The following NFIB variants were observed in gnomAD, a reference collection of about 807,000 sequenced individuals.
NFIB encodes the protein nuclear factor 1 B-type.
A neutral mutation model predicts 61.5 loss-of-function variants in NFIB; 11 were observed. That is an observed-to-expected ratio of 0.18 (90% CI 0.11 to 0.30). NFIB has a LOEUF of 0.30. Among genes scored for constraint, NFIB ranks in the 10% least tolerant of loss-of-function variants. The pLI is 1.00. For missense variants in NFIB, 471 were observed against 608.9 expected (o/e 0.77, Z 2.38); for synonymous variants, 260 against 216.5 (o/e 1.20, Z -1.76).
chr9:14,449,515 A>G, the NFIB span, among the ~76,000 whole-genome samples: 1 of 152,228 alleles, frequency 6.6e-6, no homozygotes, highest in Non-Finnish European at 1.5e-5. Flanking sequence ...GTAAAAAGCA[A>G]TAGAGAATGC....
chr9:14,292,559 A>G (rs908758232), intron 2 of NFIB, among the ~76,000 whole-genome samples: 1 of 152,224 alleles, frequency 6.6e-6, no homozygotes, highest in Non-Finnish European at 1.5e-5. Flanking sequence ...AGGATGCTAG[A>G]GCTAACAGGG....
At chr9:14,506,924 C>G in the NFIB span, among the ~76,000 whole-genome samples, 1 of 152,128 alleles carries the variant, frequency 6.6e-6, no homozygotes, top group Non-Finnish European at 1.5e-5. Flanking sequence ...AAAAGTAACA[C>G]AAATCAACTG....
chr9:14,089,226 T>C (rs2033422907), intron 10 of NFIB, among the ~76,000 whole-genome samples: 1 of 151,988 alleles, frequency 6.6e-6, no homozygotes, highest in African/African-American at 2.4e-5. Context: ...TGATACCACA[T>C]TTGAGCTGCT....
the NFIB span, among the ~76,000 whole-genome samples, chr9:14,467,413 G>A: frequency 6.6e-6 from 1 of 152,000 alleles, no homozygotes; most frequent in Non-Finnish European, 1.5e-5. Flanking sequence ...GAGTGGGTGA[G>A]ACAGTGATTA....
chr9:14,151,026 G>C (rs1424644478), intron 4 of NFIB, among the ~76,000 whole-genome samples: 3 of 152,108 alleles, frequency 2.0e-5, no homozygotes, highest in Non-Finnish European at 4.4e-5. Flanking sequence ...AGAATCAGCA[G>C]AGTCTTGAGA....
intron 2 of NFIB, among the ~76,000 whole-genome samples, chr9:14,225,225 ATCT>A (rs777711306): frequency 4.9e-4 from 75 of 152,254 alleles, no homozygotes; most frequent in Non-Finnish European, 8.7e-4. Context: ...ATATCCAAGA[ATCT>A]TCTTATCTCA....
At chr9:14,418,637 C>T in the NFIB span, among the ~76,000 whole-genome samples, 2 of 152,046 alleles carry the variant, frequency 1.3e-5, no homozygotes, top group Non-Finnish European at 2.9e-5. Flanking sequence ...TTTGCAAGAC[C>T]CTATTAGGGT....
At chr9:14,155,000 C>G (rs964349868) in intron 4 of NFIB, among the ~76,000 whole-genome samples, 1 of 152,162 alleles carries the variant, frequency 6.6e-6, no homozygotes, top group Admixed American at 6.6e-5. Context: ...AGTGTGACTA[C>G]ATCATCTGAA....
intron 1 of NFIB, among the ~76,000 whole-genome samples, chr9:14,381,212 G>C (rs2061485308): frequency 6.6e-6 from 1 of 150,460 alleles, no homozygotes; most frequent in Admixed American, 6.6e-5. Context: ...TTCTTTTTGA[G>C]ACAGAGTCTC....
chr9:14,236,212 T>C (rs2053728366), intron 2 of NFIB, among the ~76,000 whole-genome samples: 1 of 152,154 alleles, frequency 6.6e-6, no homozygotes, highest in Non-Finnish European at 1.5e-5. Context: ...GAATTTAAGG[T>C]TCTCTATAAT....
chr9:14,490,677 T>A, the NFIB span, among the ~76,000 whole-genome samples: 1 of 152,092 alleles, frequency 6.6e-6, no homozygotes, highest in Admixed American at 6.5e-5. Flanking sequence ...AATGTGAAGG[T>A]TGAATATACA....
At chr9:14,132,215 G>T (rs1339640311) in intron 6 of NFIB, among the ~76,000 whole-genome samples, 2 of 152,120 alleles carry the variant, frequency 1.3e-5, no homozygotes, top group African/African-American at 4.8e-5. Context: ...TTCTAGGATA[G>T]AATAGTCCTA....
At chr9:14,410,724 T>G in the NFIB span, among the ~76,000 whole-genome samples, 2 of 152,132 alleles carry the variant, frequency 1.3e-5, no homozygotes, top group African/African-American at 4.8e-5. Flanking sequence ...TTGCCACTAG[T>G]TTTGACACGA....
the NFIB span, among the ~76,000 whole-genome samples, chr9:14,418,596 G>A: frequency 6.6e-6 from 1 of 152,158 alleles, no homozygotes; most frequent in Non-Finnish European, 1.5e-5. Context: ...CTGCGTGTGA[G>A]CCCTGTGTCT....
intron 2 of NFIB, among the ~76,000 whole-genome samples, chr9:14,217,758 G>A (rs1423390425): frequency 6.7e-6 from 1 of 150,064 alleles, no homozygotes; most frequent in African/African-American, 2.5e-5. Flanking sequence ...CACTCATATT[G>A]CTAATTATCT....
At chr9:14,372,702 T>C (rs575187999) in intron 1 of NFIB, among the ~76,000 whole-genome samples, 44 of 152,252 alleles carry the variant, frequency 2.9e-4, no homozygotes, top group Non-Finnish European at 5.3e-4. Flanking sequence ...TGTTATAACA[T>C]GTGGTCCAGC....
Position 14,205,190 on chromosome 9 carries a change from C to T in NFIB, c.563-25410G>A, listed in dbSNP as rs1165594606. Among the ~76,000 whole-genome samples the T allele has an allele frequency of 5.4e-4, 5 of 9,318 alleles. No homozygotes were observed. The East Asian group carries it at 0.011, about 21-fold the overall frequency. The allele number at this position is 9,318 out of a possible 152,430, so 6.1% of individuals were successfully genotyped here. A position where few individuals can be genotyped will look rare whatever the true frequency, so the allele number is the denominator to read the frequency against. The stretch of plus-strand genomic sequence containing the variant: ...TCTGTGAGTGAGTTCCAAGGGCTGA[C>T]CAAAGGAACAAAAATTGGAAGGAAG... On this transcript the variant is annotated intron_variant, in intron 2 of 10. Transcript: ENST00000380953.
chr9:14,492,716 C>G, the NFIB span, among the ~76,000 whole-genome samples: 2 of 152,172 alleles, frequency 1.3e-5, no homozygotes, highest in Non-Finnish European at 2.9e-5. Context: ...CCACCAGGCC[C>G]CCCACCTCCA....
chr9:14,455,665 G>A, the NFIB span, among the ~76,000 whole-genome samples: 1 of 152,064 alleles, frequency 6.6e-6, no homozygotes, highest in African/African-American at 2.4e-5. Flanking sequence ...CAGTTAAGAA[G>A]CTACTTCAGA....
Sources: gnomAD v4.1 joint callset for allele counts (sites outside exome capture counted in the v4.1 genomes callset) on GRCh38, gnomAD v4.1.1 for gene constraint, MANE v1.5 for transcripts, NCBI Gene and HGNC (gene_info 2026-07-23, HGNC 2026-07-21) for gene names.